SNW1: variants seen among roughly 807,000 people sequenced by gnomAD.
The protein encoded by SNW1 is SNW domain containing 1.
In SNW1, 9 loss-of-function variants were observed where a neutral mutation model predicts 75.6. That is an observed-to-expected ratio of 0.12 (90% CI 0.07 to 0.21). SNW1 has a LOEUF of 0.21. Ranked by LOEUF, SNW1 falls within the 10% of genes least tolerant of loss-of-function variation. The pLI, the probability that SNW1 is intolerant of heterozygous loss-of-function variation, is 1.00. For missense variants in SNW1, 409 were observed against 670.9 expected (o/e 0.61, Z 4.31); for synonymous variants, 200 against 219.1 (o/e 0.91, Z 0.77).
At chr14:77,723,307 G>A in intron 10 of SNW1, 30 bp from the exon 11 acceptor site, 1 of 1,498,008 alleles carries the variant, frequency 6.7e-7, no homozygotes, top group Non-Finnish European at 9.3e-7. Context: ...GTACTTCACT[G>A]TAATATGTAT....
chr14:77,734,205 A>G (rs2080651399), intron 8 of SNW1, among the ~76,000 whole-genome samples: 1 of 152,252 alleles, frequency 6.6e-6, no homozygotes, highest in Non-Finnish European at 1.5e-5. Context: ...GGCAATTATT[A>G]GAGATATATA....
chr14:77,760,782 C>T (rs948594977), intron 1 of SNW1: 9 of 705,380 alleles, frequency 1.3e-5, no homozygotes, highest in South Asian at 1.0e-4. Context: ...CGTCACCAAC[C>T]CCATCTCGTT....
At chr14:77,738,677 C>A (rs2080693194) in intron 5 of SNW1, 101 bp downstream of exon 5, 9 of 772,274 alleles carry the variant, frequency 1.2e-5, no homozygotes, top group Non-Finnish European at 1.7e-5. Context: ...GAAAACAATG[C>A]ATTTATAATG....
intron 1 of SNW1, 48 bp from the exon 2 acceptor site, chr14:77,755,168 T>C (rs1172876584): frequency 7.5e-7 from 1 of 1,339,690 alleles, no homozygotes; most frequent in Non-Finnish European, 1.0e-6. Context: ...ACTCTTATGT[T>C]TAATTTGACC....
intron 8 of SNW1, chr14:77,733,946 T>G (rs989784832): frequency 1.8e-5 from 8 of 447,160 alleles, no homozygotes; most frequent in Non-Finnish European, 3.1e-5. Flanking sequence ...GTCCATGGTC[T>G]CATAATAAAA....
chr14:77,723,372 C>G, intron 10 of SNW1, 95 bp from the exon 11 acceptor site: 1 of 890,894 alleles, frequency 1.1e-6, no homozygotes, highest in South Asian at 1.4e-5. Flanking sequence ...TAAAAAGAGA[C>G]AGCATCTCAC....
chr14:77,719,825 T>A (rs897673715), intron 12 of SNW1, among the ~76,000 whole-genome samples: 4 of 148,122 alleles, frequency 2.7e-5, no homozygotes, highest in African/African-American at 9.7e-5. Context: ...ATGCCAAGAA[T>A]ATAAAATGCA....
chr14:77,736,549 AAAAAACAAAAAC>A (rs35573525), intron 6 of SNW1, among the ~76,000 whole-genome samples: 4 of 63,844 alleles, frequency 6.3e-5, no homozygotes, highest in East Asian at 2.5e-3. Context: ...ACTGTCTCTC[AAAAAACAAAAAC>A]AAAAACAAAA....
chr14:77,753,207 A>C lies in SNW1; in HGVS notation c.169-1727T>G, dbSNP rs141040017. On this transcript the variant is annotated intron_variant, in intron 2 of 13. Transcript: ENST00000261531. The stretch of plus-strand genomic sequence containing the variant: ...AAGTTGTTCTGTTTCACCAGGATAT[A>C]TGAAACCACTGATAGCCAAGTAAGA... Among the ~76,000 whole-genome samples, 70 of 152,322 alleles carry C rather than the reference A, an allele frequency of 4.6e-4. 1 individual carries two copies. In the East Asian group the frequency reaches 0.012, roughly 27 times the overall value.
chr14:77,724,709 T>C (rs929274506), intron 10 of SNW1, among the ~76,000 whole-genome samples: 1 of 152,212 alleles, frequency 6.6e-6, no homozygotes, highest in African/African-American at 2.4e-5. Context: ...CTGAGTAATA[T>C]CCCATTGTGT....
At chr14:77,732,438 G>C in intron 9 of SNW1, 47 bp downstream of exon 9, 3 of 1,035,036 alleles carry the variant, frequency 2.9e-6, no homozygotes. Context: ...AACCAAGAAT[G>C]GATTTTAAAA....
chr14:77,720,416 A>G, intron 12 of SNW1: 1 of 677,388 alleles, frequency 1.5e-6, no homozygotes, highest in Admixed American at 2.2e-5. Context: ...ATTACAGGCA[A>G]AAGCCACCAT....
In SNW1 at chr14:77,737,083, A is replaced by C. The variant is rs780931102; in HGVS notation, c.534-8T>G. ...TGCTGAGATGGTGTGTATCTGAAGA[A>C]AGCAGATAAAAACTAAAGGTGTAAT... On this transcript the variant is annotated splice_region_variant and splice_polypyrimidine_tract_variant and intron_variant, in intron 5 of 13. Coordinates refer to ENST00000261531, the MANE Select transcript of SNW1 (RefSeq NM_012245.3). The C allele has an allele frequency of 6.3e-7, 1 of 1,597,818 alleles. No individual in the cohort carries two copies. The highest frequency in any genetic ancestry group is 2.2e-5 in the East Asian group (1 of 44,756).
chr14:77,735,106 C>A, intron 7 of SNW1, 94 bp from the exon 8 acceptor site: 2 of 831,574 alleles, frequency 2.4e-6, no homozygotes, highest in South Asian at 1.6e-5. Flanking sequence ...GCTCCATATA[C>A]ACTGACATAT....
intron 3 of SNW1, among the ~76,000 whole-genome samples, chr14:77,739,323 T>C (rs1424302680): frequency 6.6e-6 from 1 of 152,210 alleles, no homozygotes; most frequent in Non-Finnish European, 1.5e-5. Context: ...AAATAAACCA[T>C]GCCAACAAAA....
intron 11 of SNW1, chr14:77,722,446 T>C (rs1239354597): frequency 2.2e-6 from 1 of 445,226 alleles, no homozygotes; most frequent in Non-Finnish European, 4.5e-6. Flanking sequence ...TTGTACTAGA[T>C]GCAGTACTAT....
intron 3 of SNW1, among the ~76,000 whole-genome samples, chr14:77,748,491 T>C (rs905092892): frequency 2.6e-5 from 4 of 152,114 alleles, no homozygotes; most frequent in African/African-American, 9.7e-5. Context: ...GTAACAGCAG[T>C]TACCTCTGGG....
intron 9 of SNW1, among the ~76,000 whole-genome samples, 167 bp downstream of exon 9, chr14:77,732,318 G>A (rs1281646316): frequency 1.3e-5 from 2 of 152,188 alleles, no homozygotes; most frequent in East Asian, 1.9e-4. Flanking sequence ...ACAAAAGCTG[G>A]GAGCATGCAG....
intron 9 of SNW1, among the ~76,000 whole-genome samples, chr14:77,731,603 A>G (rs1195954850): frequency 6.6e-6 from 1 of 152,198 alleles, no homozygotes; most frequent in African/African-American, 2.4e-5. Flanking sequence ...CTCAAGATAA[A>G]ATCTTAACTT....
Sources: allele counts gnomAD v4.1 joint callset (sites outside exome capture counted in the v4.1 genomes callset), GRCh38; gene constraint gnomAD v4.1.1; transcripts MANE v1.5; gene names NCBI Gene and HGNC (gene_info 2026-07-23, HGNC 2026-07-21).